Variants in FIP1L1 observed in about 807,000 individuals in gnomAD.
FIP1L1 encodes the protein factor interacting with PAPOLA and CPSF1.
FIP1L1 carries 21 observed loss-of-function variants against 84.6 expected under a neutral mutation model. The observed-to-expected ratio is 0.25, with a 90% CI of 0.18 to 0.36. The LOEUF (loss-of-function observed/expected upper bound fraction) is 0.36, where lower values mean the gene tolerates loss of function less well. Among genes scored for constraint, FIP1L1 ranks in the 10% least tolerant of loss-of-function variants. The pLI, the probability that FIP1L1 is intolerant of heterozygous loss-of-function variation, is 1.00. For missense variants in FIP1L1, 526 were observed against 751.1 expected (o/e 0.70, Z 3.50); for synonymous variants, 263 against 242.3 (o/e 1.09, Z -0.80).
rs115396598 is a variant in FIP1L1, at chr4:53,397,950, G to A, written c.706-1780G>A. ...GAAAGAAGTTACATAGAAATTACTG[G>A]TGGTCAGGGGAGCAATTCGGACAAT... On this transcript the variant is annotated intron_variant, in intron 9 of 17. Coordinates refer to ENST00000337488, the MANE Select transcript of FIP1L1 (RefSeq NM_030917.4). Among the ~76,000 whole-genome samples the A allele has an allele frequency of 6.4e-3, 978 of 152,262 alleles. 3 individuals are homozygous for A. Among genetic ancestry groups the A allele is most frequent in the Middle Eastern group, 0.027 (8 of 294 alleles).
At chr4:53,417,656 A>G (rs1390854274) in intron 11 of FIP1L1, among the ~76,000 whole-genome samples, 2 of 150,014 alleles carry the variant, frequency 1.3e-5, no homozygotes, top group African/African-American at 4.9e-5. Flanking sequence ...AAAAAAAAAA[A>G]AAAAAAAAAA....
chr4:53,427,897 C>T (rs1479358214), intron 12 of FIP1L1, 130 bp from the exon 13 acceptor site: 14 of 720,918 alleles, frequency 1.9e-5, no homozygotes, highest in Non-Finnish European at 3.1e-5. Flanking sequence ...ATTACTCTCC[C>T]CCCAAAAATA....
At chr4:53,386,798 G>T (rs1229348538) in intron 5 of FIP1L1, among the ~76,000 whole-genome samples, 1 of 152,154 alleles carries the variant, frequency 6.6e-6, no homozygotes, top group Non-Finnish European at 1.5e-5. Flanking sequence ...CTTGTCCAAT[G>T]CACCTTATTT....
chr4:53,401,621 G>C (rs745387188), intron 10 of FIP1L1, among the ~76,000 whole-genome samples: 7 of 152,198 alleles, frequency 4.6e-5, no homozygotes, highest in Non-Finnish European at 8.8e-5. Context: ...ATTGGATGTA[G>C]ATTGTAGAGG....
chr4:53,402,502 G>A (rs189840857), intron 10 of FIP1L1, among the ~76,000 whole-genome samples: 1 of 152,288 alleles, frequency 6.6e-6, no homozygotes, highest in African/African-American at 2.4e-5. Context: ...AGGAGTTTGA[G>A]ACCAGCCTTG....
At chr4:53,431,173 A>G (rs968819208) in intron 13 of FIP1L1, among the ~76,000 whole-genome samples, 7 of 152,340 alleles carry the variant, frequency 4.6e-5, no homozygotes, top group South Asian at 2.1e-4. Context: ...GGTACATTCA[A>G]TCAGGATGGG....
In FIP1L1 at chr4:53,409,436, G is replaced by T. The variant is rs1367881497; in HGVS notation, c.816-5179G>T. Among the ~76,000 whole-genome samples the T allele has an allele frequency of 2.0e-5, 3 of 152,188 alleles. No individual in the cohort carries two copies. The East Asian group carries it at 5.8e-4, about 29-fold the overall frequency. The stretch of plus-strand genomic sequence containing the variant: ...GGGTGTCTCCCACTTAGACTGCTCG[G>T]GGGTCAAGGGTCAGGGACCCACTTG... On this transcript the variant is annotated intron_variant, in intron 10 of 17. Transcript: ENST00000337488.
intron 5 of FIP1L1, among the ~76,000 whole-genome samples, chr4:53,387,109 C>CTAGA (rs2149336928): frequency 6.6e-6 from 1 of 152,288 alleles, no homozygotes; most frequent in Admixed American, 6.5e-5. Context: ...AGATGATAAT[C>CTAGA]TAGACTAAGG....
rs1207038701 is a variant in FIP1L1, at chr4:53,459,782, G to GT, written c.*340dup. On this transcript the variant is annotated 3_prime_UTR_variant, in exon 18 of 18. Coordinates refer to ENST00000337488, the MANE Select transcript of FIP1L1 (RefSeq NM_030917.4). ...GGTCAAGGGTTCCACTTGGGCCACAGTTTTTTTGTTAATCAAACACCACTC... is the reference window on the plus strand; with the variant it reads ...GGTCAAGGGTTCCACTTGGGCCACAGTTTTTTTTGTTAATCAAACACCACTC... 6.3e-5 allele frequency: 20 copies of GT among 319,166 alleles called. No homozygotes were observed. The highest frequency in any genetic ancestry group is 4.9e-4 in the South Asian group (10 of 20,526). The allele number at this position is 319,166 out of a possible 1,614,324, so 19.8% of individuals were successfully genotyped here.
At chr4:53,405,395 T>G (rs1372232330) in intron 10 of FIP1L1, among the ~76,000 whole-genome samples, 3 of 152,208 alleles carry the variant, frequency 2.0e-5, no homozygotes, top group Non-Finnish European at 2.9e-5. Flanking sequence ...AGTACCATGC[T>G]GTTTTGGTTA....
At chr4:53,390,661 A>G in intron 7 of FIP1L1, 33 bp downstream of exon 7, 1 of 1,449,514 alleles carries the variant, frequency 6.9e-7, no homozygotes, top group South Asian at 1.3e-5. Flanking sequence ...TAATTTCAAT[A>G]TTTTCAGTGT....
intron 13 of FIP1L1, 69 bp downstream of exon 13, chr4:53,428,252 C>A: frequency 2.9e-6 from 4 of 1,403,044 alleles, no homozygotes; most frequent in African/African-American, 1.4e-5. Context: ...AAATTTTTGA[C>A]AATTAAAATA....
In FIP1L1 at chr4:53,427,777, G is replaced by T. The variant is rs191942621; in HGVS notation, c.1018-250G>T. 4.4e-3 allele frequency among the ~76,000 whole-genome samples: 670 copies of T among 152,144 alleles called. 5 individuals carry two copies. Among genetic ancestry groups the T allele is most frequent in the Middle Eastern group, 0.034 (10 of 294 alleles). The stretch of plus-strand genomic sequence containing the variant: ...ATTACTTTTTATTAAGAAATTTTTG[G>T]TAATGATCCAGTTGTTTTTTCTTAA... On this transcript the variant is annotated intron_variant, in intron 12 of 17. Coordinates refer to ENST00000337488, the MANE Select transcript of FIP1L1 (RefSeq NM_030917.4).
At position 53,407,007 on chromosome 4, in the gene FIP1L1, T is replaced by C. The variant is rs565993582; in HGVS notation, c.815+7168T>C. On this transcript the variant is annotated intron_variant, in intron 10 of 17. Coordinates refer to ENST00000337488, the MANE Select transcript of FIP1L1 (RefSeq NM_030917.4). ...TGAAGGGTTTTTTGTGTCTCTATTT[T>C]CTTCAGTTCTGCTCTGATCTTAGTT... is the stretch of plus-strand genomic sequence containing the variant. Among the ~76,000 whole-genome samples the C allele has an allele frequency of 4.9e-3, 745 of 152,256 alleles. 5 individuals carry two copies. Among genetic ancestry groups the C allele is most frequent in the Middle Eastern group, 0.034 (10 of 294 alleles).
chr4:53,441,298 A>C (rs1771816013), intron 13 of FIP1L1, among the ~76,000 whole-genome samples: 1 of 151,974 alleles, frequency 6.6e-6, no homozygotes, highest in African/African-American at 2.4e-5. Flanking sequence ...AATGCTTGCA[A>C]GGGTGGGTCT....
At chr4:53,432,502 G>T (rs1229513466) in intron 13 of FIP1L1, among the ~76,000 whole-genome samples, 2 of 150,180 alleles carry the variant, frequency 1.3e-5, no homozygotes, top group Non-Finnish European at 3.0e-5. Flanking sequence ...TCGTGAATCA[G>T]AAAATAGTTT....
chr4:53,383,369 A>T (rs1239454312), intron 4 of FIP1L1, among the ~76,000 whole-genome samples: 3 of 152,226 alleles, frequency 2.0e-5, no homozygotes, highest in Admixed American at 1.3e-4. Context: ...TCTCAAAAAA[A>T]TACAGAGTGG....
At chr4:53,389,689 TGTGTCA>T (rs1219365736) in intron 5 of FIP1L1, 114 bp from the exon 6 acceptor site, 1 of 702,544 alleles carries the variant, frequency 1.4e-6, no homozygotes, top group African/African-American at 1.9e-5. Flanking sequence ...AAATAAAATG[TGTGTCA>T]CACTATCCAT....
chr4:53,417,208 A>G (rs1026642589), intron 11 of FIP1L1, among the ~76,000 whole-genome samples: 1 of 152,214 alleles, frequency 6.6e-6, no homozygotes, highest in Non-Finnish European at 1.5e-5. Context: ...TAGCAACTCC[A>G]TCTATACCTA....
Sources: gnomAD v4.1 joint callset for allele counts (sites outside exome capture counted in the v4.1 genomes callset) on GRCh38, gnomAD v4.1.1 for gene constraint, MANE v1.5 for transcripts, NCBI Gene and HGNC (gene_info 2026-07-23, HGNC 2026-07-21) for gene names.